The following CAMK2D variants were observed in gnomAD, a reference collection of about 807,000 sequenced individuals.
CAMK2D encodes calcium/calmodulin-dependent protein kinase type II subunit delta.
Under a neutral mutation model 84.0 loss-of-function variants are expected in CAMK2D, and 37 were observed. The observed-to-expected ratio is 0.44, with a 90% CI of 0.34 to 0.58. CAMK2D has a LOEUF of 0.58. Among genes scored for constraint, CAMK2D ranks in the 20% least tolerant of loss-of-function variants. CAMK2D has a pLI of 0.02. For synonymous variants in CAMK2D, 202 were observed against 212.5 expected (o/e 0.95, Z 0.43); for missense variants, 448 against 652.5 (o/e 0.69, Z 3.41).
intron 4 of CAMK2D, among the ~76,000 whole-genome samples, chr4:113,574,122 T>G (rs1034644619): frequency 4.6e-5 from 7 of 152,242 alleles, no homozygotes; most frequent in Non-Finnish European, 7.3e-5. Context: ...AGTTCCGTAC[T>G]GTGGCATCCA....
chr4:113,519,611 C>T (rs2098331370), intron 8 of CAMK2D, among the ~76,000 whole-genome samples: 1 of 151,700 alleles, frequency 6.6e-6, no homozygotes, highest in African/African-American at 2.4e-5. Flanking sequence ...AAGTTTACTT[C>T]AACTTGATTA....
At chr4:113,660,793 C>CTTTTTT (rs551244067) in intron 3 of CAMK2D, among the ~76,000 whole-genome samples, 1 of 129,486 alleles carries the variant, frequency 7.7e-6, no homozygotes, top group Non-Finnish European at 1.7e-5. Context: ...CTGAACAATT[C>CTTTTTT]TTTTTTTTTT....
chr4:113,686,689 T>A lies in CAMK2D; in HGVS notation c.161-24917A>T, dbSNP rs574219042. On this transcript the variant is annotated intron_variant, in intron 2 of 20. Transcript: ENST00000511664. Reference sequence around the variant, plus strand: ...AACCCAAGCATCTGGAGTCCTACAATGCTCTCAATATATTTTTAACATGAT... The same window carrying A: ...AACCCAAGCATCTGGAGTCCTACAAAGCTCTCAATATATTTTTAACATGAT... Among the ~76,000 whole-genome samples, 4 of 152,324 alleles carry A rather than the reference T, an allele frequency of 2.6e-5. No individual in the cohort carries two copies. The South Asian group carries it at 8.3e-4, about 32-fold the overall frequency.
intron 4 of CAMK2D, among the ~76,000 whole-genome samples, chr4:113,573,477 A>G: frequency 6.6e-6 from 1 of 152,254 alleles, no homozygotes; most frequent in East Asian, 1.9e-4. Context: ...CTCAGCCCAC[A>G]TGGCCTACTC....
intron 2 of CAMK2D, among the ~76,000 whole-genome samples, chr4:113,688,200 T>C (rs953111587): frequency 5.3e-5 from 8 of 152,178 alleles, no homozygotes; most frequent in African/African-American, 1.9e-4. Context: ...AGCAAACTAA[T>C]GGATCTCTCC....
intron 2 of CAMK2D, among the ~76,000 whole-genome samples, chr4:113,714,263 T>G (rs915484027): frequency 6.6e-6 from 1 of 152,126 alleles, no homozygotes; most frequent in Non-Finnish European, 1.5e-5. Flanking sequence ...CATATCAGTA[T>G]GTTTCCTTTT....
intron 4 of CAMK2D, among the ~76,000 whole-genome samples, chr4:113,566,071 C>T (rs568131620): frequency 6.6e-6 from 1 of 151,992 alleles, no homozygotes; most frequent in Non-Finnish European, 1.5e-5. Context: ...CTTCAGTTGC[C>T]ACTAAGAATA....
chr4:113,754,887 A>C, intron 2 of CAMK2D: 1 of 983,392 alleles, frequency 1.0e-6, no homozygotes, highest in Non-Finnish European at 1.2e-6. Flanking sequence ...TTCTATGTAC[A>C]AATATAAAAA....
intron 2 of CAMK2D, among the ~76,000 whole-genome samples, chr4:113,697,650 T>C (rs1431637025): frequency 6.6e-6 from 1 of 151,738 alleles, no homozygotes; most frequent in African/African-American, 2.4e-5. Context: ...TGAGAAGGAG[T>C]CTTTCTTACT....
chr4:113,568,721 T>A (rs971348133), intron 4 of CAMK2D, among the ~76,000 whole-genome samples: 4 of 152,188 alleles, frequency 2.6e-5, no homozygotes, highest in Non-Finnish European at 5.9e-5. Flanking sequence ...CTTCTCTATA[T>A]CCTGGCCAAC....
chr4:113,641,825 T>C (rs1387601466), intron 3 of CAMK2D, among the ~76,000 whole-genome samples: 6 of 151,814 alleles, frequency 4.0e-5, no homozygotes, highest in Non-Finnish European at 8.8e-5. Context: ...CTGACCAACA[T>C]GGAGAAACCC....
intron 16 of CAMK2D, among the ~76,000 whole-genome samples, chr4:113,486,841 A>C (rs1215391702): frequency 1.3e-5 from 2 of 152,212 alleles, no homozygotes; most frequent in Non-Finnish European, 2.9e-5. Context: ...GATTTATACT[A>C]GAATACAGTC....
intron 4 of CAMK2D, among the ~76,000 whole-genome samples, chr4:113,582,215 T>C (rs944401634): frequency 6.6e-6 from 1 of 152,198 alleles, no homozygotes; most frequent in African/African-American, 2.4e-5. Context: ...TCATGTGACA[T>C]GTAGGGTGGC....
At chr4:113,536,912 A>C (rs1328179156) in intron 7 of CAMK2D, among the ~76,000 whole-genome samples, 1 of 152,174 alleles carries the variant, frequency 6.6e-6, no homozygotes, top group East Asian at 1.9e-4. Flanking sequence ...TTTAAATCAT[A>C]AATCATAAAG....
intron 4 of CAMK2D, among the ~76,000 whole-genome samples, chr4:113,590,606 G>C (rs1036826047): frequency 6.6e-6 from 1 of 152,106 alleles, no homozygotes; most frequent in Non-Finnish European, 1.5e-5. Context: ...TTTTCTTCCA[G>C]TTCTACTTTG....
At chr4:113,565,458 C>T (rs1413076787) in intron 4 of CAMK2D, among the ~76,000 whole-genome samples, 29 of 152,084 alleles carry the variant, frequency 1.9e-4, no homozygotes, top group African/African-American at 7.0e-4. Flanking sequence ...CAAGAACAGC[C>T]TGGCCCACAT....
intron 13 of CAMK2D, among the ~76,000 whole-genome samples, chr4:113,509,213 T>G (rs1333630703): frequency 6.6e-6 from 1 of 152,226 alleles, no homozygotes; most frequent in East Asian, 1.9e-4. Context: ...CATTTGACAT[T>G]CTATTTTCCA....
chr4:113,625,419 A>G (rs1302120103), intron 3 of CAMK2D, among the ~76,000 whole-genome samples: 1 of 152,196 alleles, frequency 6.6e-6, no homozygotes, highest in Non-Finnish European at 1.5e-5. Context: ...GGAAGTGAGT[A>G]CCAGAAGAAG....
chr4:113,710,309 T>C (rs1039191662), intron 2 of CAMK2D, among the ~76,000 whole-genome samples: 8 of 152,120 alleles, frequency 5.3e-5, no homozygotes, highest in Non-Finnish European at 1.0e-4. Context: ...ATCAGGTTTC[T>C]GGAGCAAATT....
Sources: gnomAD v4.1 joint callset for allele counts (sites outside exome capture counted in the v4.1 genomes callset) on GRCh38, gnomAD v4.1.1 for gene constraint, MANE v1.5 for transcripts, NCBI Gene and HGNC (gene_info 2026-07-23, HGNC 2026-07-21) for gene names.